The following CLCF1 variants were observed in gnomAD, a reference collection of about 807,000 sequenced individuals.
The protein encoded by CLCF1 is cardiotrophin like cytokine factor 1.
A neutral mutation model predicts 21.2 loss-of-function variants in CLCF1; 10 were observed. That is an observed-to-expected ratio of 0.47 (90% CI 0.29 to 0.80). The LOEUF (loss-of-function observed/expected upper bound fraction) is 0.80, where lower values mean the gene tolerates loss of function less well. Among genes scored for constraint, CLCF1 ranks in the 30% least tolerant of loss-of-function variants. The pLI, the probability that CLCF1 is intolerant of heterozygous loss-of-function variation, is 0.09. For missense variants in CLCF1, 240 were observed against 293.4 expected (o/e 0.82, Z 1.33); for synonymous variants, 115 against 120.5 (o/e 0.95, Z 0.30).
chr11:67,370,869 G>T (rs1439760247), intron 1 of CLCF1: 1 of 985,210 alleles, frequency 1.0e-6, no homozygotes, highest in Non-Finnish European at 1.2e-6. Context: ...TAAGAGCTAC[G>T]CTAAGAACTG....
At chr11:67,367,434 C>G in intron 2 of CLCF1, 26 bp downstream of exon 2, 1 of 1,614,132 alleles carries the variant, frequency 6.2e-7, no homozygotes, top group Admixed American at 1.7e-5. Flanking sequence ...CTCCCCAACT[C>G]CCAGATTCCT....
chr11:67,368,496 G>A (rs1263424048), intron 1 of CLCF1: 2 of 985,240 alleles, frequency 2.0e-6, no homozygotes, highest in Non-Finnish European at 2.4e-6. Context: ...GGCCAGGGTT[G>A]GGTGCTGTAA....
Position 67,365,516 on chromosome 11 carries a change from T to C in CLCF1, c.298A>G (p.Lys100Glu), listed in dbSNP as rs1862076807. The C allele has an allele frequency of 1.9e-6, 3 of 1,614,090 alleles. No individual in the cohort carries two copies. The highest frequency in any genetic ancestry group is 1.3e-5 in the African/African-American group (1 of 75,054). The change falls in exon 3 of 3, where the codon AAA becomes GAA. Residue 100 changes from lysine (K) to glutamate (E), a missense_variant. Transcript: ENST00000312438. The surrounding 1 kb of genome is among the most constrained non-coding windows in gnomAD (Gnocchi z 5.0). ...DLEVWRSLND[K>E]LRLTQNYEAY... ...TCGTAGTTCTGGGTCAGCCGCAGTT[T>C]GTCATTGAGGCTTCGCCACACCTCC...
chr11:67,368,912 C>CT (rs10666079), intron 1 of CLCF1: 48,527 of 644,734 alleles, frequency 0.075, 51 homozygotes, highest in Non-Finnish European at 0.08. Context: ...TTTTTTTTTC[C>CT]TTTTTTTTTT....
At chr11:67,369,413 T>C in intron 1 of CLCF1, 8 of 985,334 alleles carry the variant, frequency 8.1e-6, no homozygotes, top group Non-Finnish European at 9.6e-6. Context: ...CCCTTTCCTG[T>C]CCCCTCTGAG....
At chr11:67,369,864 C>T (rs947207568) in intron 1 of CLCF1, 2 of 985,324 alleles carry the variant, frequency 2.0e-6, no homozygotes, top group Admixed American at 6.1e-5. Context: ...GAGATCAGCT[C>T]CCTACACAGG....
rs907887955 is a variant in CLCF1, at chr11:67,372,418, G to A, written c.16+1106C>T. The stretch of plus-strand genomic sequence containing the variant: ...GAGCAAGCATGAGGGGACCTCTGGC[G>A]AGCCCCGGGGACTCTTTCGAAGGTT... On this transcript the variant is annotated intron_variant, in intron 1 of 2. Transcript: ENST00000312438. This position sits in a 1 kb window ranked among gnomAD's most constrained non-coding sequence, Gnocchi z 5.9. Among the ~76,000 whole-genome samples the A allele has an allele frequency of 1.3e-5, 2 of 152,092 alleles. No individual in the cohort carries two copies. The highest frequency in any genetic ancestry group is 1.3e-4 in the Admixed American group (2 of 15,288).
At chr11:67,373,396 C>G in intron 1 of CLCF1, 128 bp downstream of exon 1, 1 of 465,722 alleles carries the variant, frequency 2.1e-6, no homozygotes, top group South Asian at 4.6e-5. Flanking sequence ...CCGTGCCTCC[C>G]CCGGCCCGAG....
intron 1 of CLCF1, among the ~76,000 whole-genome samples, chr11:67,373,245 C>T (rs575221908): frequency 2.0e-5 from 3 of 151,870 alleles, no homozygotes; most frequent in African/African-American, 7.2e-5. Flanking sequence ...TCCTACGGCC[C>T]GCCTCGCTGG....
rs1356825203 is a variant in CLCF1 at position 67,373,566 on chromosome 11, C to T, written c.-27G>A. The T allele has an allele frequency of 2.9e-6, 4 of 1,365,294 alleles. No individual in the cohort carries two copies. Among genetic ancestry groups the T allele is most frequent in the Admixed American group, 3.5e-5 (1 of 28,800 alleles). 84.6% of individuals were successfully genotyped at this position (1,365,294 alleles called of 1,614,324 possible). On this transcript the variant is annotated 5_prime_UTR_variant, in exon 1 of 3. Transcript: ENST00000312438. Reference sequence around the variant, plus strand: ...GGGCTGGGGCCGGGCCGGCCGGGTGCGGCTCCTCTCCCGGAGGCTGGCGGA... The same window carrying T: ...GGGCTGGGGCCGGGCCGGCCGGGTGTGGCTCCTCTCCCGGAGGCTGGCGGA...
intron 1 of CLCF1, chr11:67,367,845 T>C (rs1279917180): frequency 1.0e-6 from 1 of 985,402 alleles, no homozygotes. Flanking sequence ...TTGGCACGCA[T>C]GAGTGTCTAT....
chr11:67,373,127 C>T (rs1862275571), intron 1 of CLCF1, among the ~76,000 whole-genome samples: 1 of 151,602 alleles, frequency 6.6e-6, no homozygotes, highest in African/African-American at 2.4e-5. Flanking sequence ...TCGGGCTCCC[C>T]CGGCCTCCCT....
At position 67,367,478 on chromosome 11, in the gene CLCF1, G is replaced by T; in HGVS notation, c.165C>A (p.Arg55=). The T allele has an allele frequency of 6.2e-7, 1 of 1,614,250 alleles. No homozygotes were observed. Among genetic ancestry groups the T allele is most frequent in the Non-Finnish European group, 8.5e-7 (1 of 1,180,032 alleles). The change falls in exon 2 of 3, where the codon CGC becomes CGA. Residue 55 remains arginine (R), a synonymous_variant. Coordinates refer to ENST00000312438, the MANE Select transcript of CLCF1 (RefSeq NM_013246.3). The part of the protein sequence containing the change: ...DLTRYLEHQL[R]SLAGTYLNYL... ...TACTCACATAGGTCCCAGCCAAGCT[G>T]CGGAGTTGGTGCTCCAGGTAGCGGG... is the stretch of plus-strand genomic sequence containing the variant.
At chr11:67,367,147 C>T (rs1439669393) in intron 2 of CLCF1, among the ~76,000 whole-genome samples, 1 of 151,256 alleles carries the variant, frequency 6.6e-6, no homozygotes, top group African/African-American at 2.4e-5. Context: ...GCAAGAGACA[C>T]CACAACACGG....
chr11:67,368,136 G>C, intron 1 of CLCF1: 2 of 985,360 alleles, frequency 2.0e-6, no homozygotes, highest in Non-Finnish European at 2.4e-6. Context: ...AGAGGCGGCC[G>C]CCAAGAACAG....
Position 67,365,739 on chromosome 11 carries a change from C to A in CLCF1, c.184-109G>T. 2 of 1,460,088 alleles carry A rather than the reference C, an allele frequency of 1.4e-6. No individual in the cohort carries two copies. Among genetic ancestry groups the A allele is most frequent in the South Asian group, 2.8e-5 (2 of 70,984 alleles). 90.4% of individuals were successfully genotyped at this position (1,460,088 alleles called of 1,614,324 possible). A position where few individuals can be genotyped will look rare whatever the true frequency, so the allele number is the denominator to read the frequency against. ...TATTTTTTGTGTCCCCTGACACTGG[C>A]CCTGTCTCCATGCTAGGCTTCTTTG... On this transcript the variant is annotated intron_variant, in intron 2 of 2. Transcript: ENST00000312438. This position sits in a 1 kb window ranked among gnomAD's most constrained non-coding sequence, Gnocchi z 5.0.
intron 1 of CLCF1, chr11:67,370,666 C>T: frequency 1.0e-6 from 1 of 985,372 alleles, no homozygotes; most frequent in South Asian, 4.7e-5. Context: ...TGACTGGCCA[C>T]CCAGACAGCT....
At chr11:67,367,673 CG>C (rs761910171) in intron 1 of CLCF1, 47 bp from the exon 2 acceptor site, 8 of 1,572,986 alleles carry the variant, frequency 5.1e-6, no homozygotes, top group Non-Finnish European at 6.9e-6. Context: ...CGGGCCCACA[CG>C]GGGAAGCAGC....
At chr11:67,374,012 T>C (rs3758943), upstream of CLCF1, 103,798 of 898,474 alleles carry the variant, frequency 0.12, 18,086 homozygotes, top group African/African-American at 0.77. Context: ...CTGCCCCCTG[T>C]CCCCTGCCGA....
Sources: allele counts gnomAD v4.1 joint callset (sites outside exome capture counted in the v4.1 genomes callset), GRCh38; gene constraint gnomAD v4.1.1; non-coding constraint Gnocchi (gnomAD v3.1); transcripts MANE v1.5; gene names NCBI Gene and HGNC (gene_info 2026-07-23, HGNC 2026-07-21).